ROR1: variants seen among roughly 807,000 people sequenced by gnomAD.
ROR1 encodes the protein ROR family WNT receptor 1, also known as inactive tyrosine-protein kinase transmembrane receptor ROR1.
Under a neutral mutation model 78.8 loss-of-function variants are expected in ROR1, and 19 were observed. The observed-to-expected ratio is 0.24, with a 90% CI of 0.17 to 0.35. The LOEUF is 0.35. ROR1 is among the 10% of genes least tolerant of loss of function. The pLI is 1.00. For synonymous variants in ROR1, 386 were observed against 433.6 expected (o/e 0.89, Z 1.36); for missense variants, 917 against 1,177.8 (o/e 0.78, Z 3.24).
At chr1:63,882,717 G>A (rs2100376663) in intron 1 of ROR1, among the ~76,000 whole-genome samples, 1 of 152,310 alleles carries the variant, frequency 6.6e-6, no homozygotes, top group East Asian at 1.9e-4. Context: ...TGTCCACACT[G>A]AGAAAATAGT....
intron 1 of ROR1, among the ~76,000 whole-genome samples, chr1:63,808,803 A>G (rs1240808373): frequency 6.6e-6 from 1 of 151,838 alleles, no homozygotes; most frequent in African/African-American, 2.4e-5. Flanking sequence ...TATAGTACCT[A>G]TCAGCAGTCA....
chr1:64,113,033 C>G (rs564586389), intron 4 of ROR1, among the ~76,000 whole-genome samples: 35 of 152,238 alleles, frequency 2.3e-4, no homozygotes, highest in Admixed American at 5.9e-4. Context: ...CAGTTGCCAC[C>G]TTCCATAGAT....
At chr1:63,913,433 G>A (rs1645586264) in intron 1 of ROR1, among the ~76,000 whole-genome samples, 1 of 152,158 alleles carries the variant, frequency 6.6e-6, no homozygotes. Context: ...CTTGGGAGGA[G>A]GAGGGATAAA....
intron 1 of ROR1, among the ~76,000 whole-genome samples, chr1:63,892,281 G>A (rs1017488489): frequency 6.6e-6 from 1 of 152,128 alleles, no homozygotes; most frequent in African/African-American, 2.4e-5. Flanking sequence ...TGGGCACTTC[G>A]CTGCATCTGG....
intron 1 of ROR1, among the ~76,000 whole-genome samples, chr1:63,813,616 G>A (rs1285390136): frequency 6.6e-6 from 1 of 152,120 alleles, no homozygotes; most frequent in Non-Finnish European, 1.5e-5. Context: ...TTATGCTGTG[G>A]CCCCCAAATT....
intron 4 of ROR1, among the ~76,000 whole-genome samples, chr1:64,125,865 C>T (rs1648695317): frequency 6.6e-6 from 1 of 152,126 alleles, no homozygotes; most frequent in South Asian, 2.1e-4. Context: ...TTGGTGCCTT[C>T]TACAAACCAA....
chr1:63,851,337 A>G (rs1248568620), intron 1 of ROR1, among the ~76,000 whole-genome samples: 1 of 152,184 alleles, frequency 6.6e-6, no homozygotes, highest in Non-Finnish European at 1.5e-5. Context: ...CTTCTTCAAG[A>G]GCAGATTTTC....
intron 1 of ROR1, among the ~76,000 whole-genome samples, chr1:63,892,098 C>T (rs983227750): frequency 5.3e-5 from 8 of 152,146 alleles, no homozygotes; most frequent in African/African-American, 1.9e-4. Context: ...ATTCAATAAG[C>T]ATTCATTAAT....
chr1:64,101,864 CA>C (rs1189477294), intron 4 of ROR1, among the ~76,000 whole-genome samples: 5 of 152,148 alleles, frequency 3.3e-5, no homozygotes, highest in African/African-American at 1.2e-4. Context: ...AGCTTTGTGA[CA>C]GAATCATGTT....
In ROR1 at chr1:64,099,135, C is replaced by T. The variant is rs139274573; in HGVS notation, c.483-38234C>T. Among the ~76,000 whole-genome samples the T allele has an allele frequency of 1.6e-4, 25 of 152,152 alleles. No individual in the cohort carries two copies. The East Asian group carries it at 4.5e-3, about 27-fold the overall frequency. On this transcript the variant is annotated intron_variant, in intron 4 of 8. Coordinates refer to ENST00000371079, the MANE Select transcript of ROR1 (RefSeq NM_005012.4). ...GTGAACCTGTAATCTTACACATTAG[C>T]GTATACTCCCACCATGGAGCCATAT... is the stretch of plus-strand genomic sequence containing the variant.
At chr1:63,895,359 T>G (rs117333540) in intron 1 of ROR1, among the ~76,000 whole-genome samples, 3,517 of 152,316 alleles carry the variant, frequency 0.023, 79 homozygotes, top group African/African-American at 0.054. Flanking sequence ...TTGGCTACAC[T>G]GCTGGGCTTG....
rs376951601 is a variant in ROR1, at chr1:64,160,405, A to T, written c.1386+1213A>T. Among the ~76,000 whole-genome samples, 37 of 152,106 alleles carry T rather than the reference A, an allele frequency of 2.4e-4. No homozygotes were observed. In the South Asian group the frequency reaches 7.3e-3, roughly 30 times the overall value. On this transcript the variant is annotated intron_variant, in intron 8 of 8. Coordinates refer to ENST00000371079, the MANE Select transcript of ROR1 (RefSeq NM_005012.4). ...CTTAAATGCTAAAAATTCAGTGTAT[A>T]TATTCTGTATTCAGCAAAACCACTG...
chr1:64,160,264 T>C (rs1649900757), intron 8 of ROR1, among the ~76,000 whole-genome samples: 1 of 152,054 alleles, frequency 6.6e-6, no homozygotes, highest in Non-Finnish European at 1.5e-5. Context: ...GTAATTGGGC[T>C]GACACAGAGC....
At chr1:64,096,597 C>A (rs552189256) in intron 4 of ROR1, among the ~76,000 whole-genome samples, 65 of 152,230 alleles carry the variant, frequency 4.3e-4, no homozygotes, top group African/African-American at 1.5e-3. Flanking sequence ...GCATTGTATT[C>A]CATGGAGTAT....
At chr1:64,055,940 C>G (rs767712528) in intron 4 of ROR1, among the ~76,000 whole-genome samples, 1 of 152,088 alleles carries the variant, frequency 6.6e-6, no homozygotes, top group Non-Finnish European at 1.5e-5. Context: ...AATATTTGTC[C>G]TTTTGTGTTT....
chr1:64,133,746 C>G (rs1649005866), intron 4 of ROR1, among the ~76,000 whole-genome samples: 1 of 152,222 alleles, frequency 6.6e-6, no homozygotes, highest in South Asian at 2.1e-4. Context: ...CAGCCTTGGG[C>G]ACGCTCACTG....
chr1:63,990,933 CTCTG>C (rs768774346), intron 1 of ROR1, among the ~76,000 whole-genome samples: 1 of 152,084 alleles, frequency 6.6e-6, no homozygotes, highest in African/African-American at 2.4e-5. Flanking sequence ...AAATGAAAAA[CTCTG>C]TCTTTTAAAA....
chr1:64,168,396 G>C (rs1650145433), intron 8 of ROR1, among the ~76,000 whole-genome samples: 1 of 152,176 alleles, frequency 6.6e-6, no homozygotes, highest in African/African-American at 2.4e-5. Context: ...TAGGATCTCA[G>C]TGTCTGGCAC....
intron 1 of ROR1, among the ~76,000 whole-genome samples, chr1:63,853,108 A>G (rs1031629763): frequency 6.6e-6 from 1 of 152,176 alleles, no homozygotes; most frequent in African/African-American, 2.4e-5. Context: ...AAGGGAAAAG[A>G]TGTCTAATAT....
Sources: allele counts gnomAD v4.1 joint callset (sites outside exome capture counted in the v4.1 genomes callset), GRCh38; gene constraint gnomAD v4.1.1; transcripts MANE v1.5; gene names NCBI Gene and HGNC (gene_info 2026-07-23, HGNC 2026-07-21).